The following NR4A1 variants were observed in gnomAD, a reference collection of about 807,000 sequenced individuals.
NR4A1 encodes the protein nuclear receptor subfamily 4 group A member 1.
NR4A1 carries 24 observed loss-of-function variants against 47.5 expected under a neutral mutation model. The observed-to-expected ratio is 0.50, with a 90% CI of 0.37 to 0.71. NR4A1 has a LOEUF of 0.71. Ranked by LOEUF, NR4A1 falls within the 30% of genes least tolerant of loss-of-function variation. The pLI, the probability that NR4A1 is intolerant of heterozygous loss-of-function variation, is 0.00. For synonymous variants in NR4A1, 353 were observed against 345.7 expected (o/e 1.02, Z -0.24); for missense variants, 669 against 788.6 (o/e 0.85, Z 1.82).
In NR4A1 at chr12:52,056,519, G is replaced by T; in HGVS notation, c.1032G>T (p.Gly344=). 1 of 1,613,428 alleles carries T rather than the reference G, an allele frequency of 6.2e-7. No individual in the cohort carries two copies. ...KEVVRTDSLK[G]RRGRLPSKPK... ...TTGTCCGAACAGACAGCCTGAAGGG[G>T]CGGCGGGGCCGGCTACCTTCAAAAC... The change falls in exon 4 of 7, where the codon GGG becomes GGT. Residue 344 remains glycine, a synonymous_variant. Coordinates refer to ENST00000394825, the MANE Select transcript of NR4A1 (RefSeq NM_173157.3).
upstream of NR4A1, among the ~76,000 whole-genome samples, chr12:52,048,175 C>CA (rs755974918): frequency 6.6e-6 from 1 of 151,526 alleles, no homozygotes; most frequent in East Asian, 1.9e-4. Context: ...AAACAAAAAA[C>CA]AAAAAAAGAG....
intron 1 of NR4A1, among the ~76,000 whole-genome samples, chr12:52,023,274 G>A (rs1301152661): frequency 6.6e-6 from 1 of 152,120 alleles, no homozygotes; most frequent in Non-Finnish European, 1.5e-5. Context: ...GGTGGAGTCC[G>A]CCGGGCACCG....
upstream of NR4A1, among the ~76,000 whole-genome samples, chr12:52,051,184 T>A (rs1565648798): frequency 6.6e-6 from 1 of 152,156 alleles, no homozygotes; most frequent in African/African-American, 2.4e-5. Context: ...AGCCTATTTA[T>A]AGATCAAACA....
chr12:52,058,476 G>A (rs73093189), intron 6 of NR4A1: 23,589 of 595,770 alleles, frequency 0.04, 576 homozygotes, highest in South Asian at 0.048. Flanking sequence ...CCTGGGCCTC[G>A]GGTTCTCACT....
At chr12:52,049,334 A>G (rs116004141), upstream of NR4A1, among the ~76,000 whole-genome samples, 367 of 152,368 alleles carry the variant, frequency 2.4e-3, 1 homozygote, top group African/African-American at 8.4e-3. Flanking sequence ...TCAAGGGTCA[A>G]CTGTGTATGA....
At chr12:52,049,790 G>A (rs185416626), upstream of NR4A1, among the ~76,000 whole-genome samples, 1 of 152,290 alleles carries the variant, frequency 6.6e-6, no homozygotes, top group African/African-American at 2.4e-5. Context: ...GCAGGCAGGG[G>A]GTGCAGAAAT....
At chr12:52,041,961 C>A in intron 2 of NR4A1, 3 of 1,310,390 alleles carry the variant, frequency 2.3e-6, no homozygotes, top group East Asian at 5.7e-5. Flanking sequence ...TTTGTACACC[C>A]CTCCAGCAGG....
chr12:52,052,951 G>A (rs987757240), intron 1 of NR4A1, among the ~76,000 whole-genome samples: 3 of 152,204 alleles, frequency 2.0e-5, no homozygotes, highest in African/African-American at 7.2e-5. Flanking sequence ...TCAGGCTAGG[G>A]GTGGAGGTGC....
intron 2 of NR4A1, chr12:52,043,984 GC>G: frequency 1.6e-6 from 2 of 1,252,068 alleles, no homozygotes; most frequent in Non-Finnish European, 2.1e-6. Context: ...TGACTGTCAT[GC>G]CAAACCCTTT....
chr12:52,037,970 GGGTGGTCTGTATTTCCAGACCTCCTCCAT>G lies in NR4A1; in HGVS notation c.-83-3830_-83-3802del, dbSNP rs1938301634. On this transcript the variant is annotated intron_variant, in intron 1 of 7. Transcript: ENST00000360284. ...CTTATACTGGGTGGGGTGGGGGCGGGGGTGGTCTGTATTTCCAGACCTCCTCCATGGTGGTCTGGCTGTGTGGAGGGCAG... is the reference window on the plus strand; with the variant it reads ...CTTATACTGGGTGGGGTGGGGGCGGGGGTGGTCTGGCTGTGTGGAGGGCAG... 3 of 239,730 alleles carry G rather than the reference GGGTGGTCTGTATTTCCAGACCTCCTCCAT, an allele frequency of 1.3e-5. No homozygotes were observed. The Admixed American group carries it at 2.1e-4, about 17-fold the overall frequency. The allele number at this position is 239,730 out of a possible 1,614,324, so 14.9% of individuals were successfully genotyped here. A position where few individuals can be genotyped will look rare whatever the true frequency, so the allele number is the denominator to read the frequency against.
rs1592308238 is a variant in NR4A1, at chr12:52,056,534, A to C, written c.1047A>C (p.Leu349=). The C allele has an allele frequency of 3.1e-6, 5 of 1,613,184 alleles. No homozygotes were observed. The highest frequency in any genetic ancestry group is 4.2e-6 in the Non-Finnish European group (5 of 1,179,688). The change falls in exon 4 of 7, where the codon CTA becomes CTC. Residue 349 remains leucine, a synonymous_variant. Coordinates refer to ENST00000394825, the MANE Select transcript of NR4A1 (RefSeq NM_173157.3). The part of the protein sequence containing the change: ...TDSLKGRRGR[L]PSKPKQPPDA... ...GCCTGAAGGGGCGGCGGGGCCGGCT[A>C]CCTTCAAAACCCAAGCAGCCCCCAG... is the stretch of plus-strand genomic sequence containing the variant.
In NR4A1 at chr12:52,034,147, C is replaced by A. The variant is rs1938188771; in HGVS notation, c.-83-7663C>A. ...CGCATACCTAAGGTTTGGGGGCAGC[C>A]TCTCTCCTCCATGGAGTGCCTTTTC... On this transcript the variant is annotated intron_variant, in intron 1 of 7. Transcript: ENST00000360284. Among the ~76,000 whole-genome samples, 5 of 152,210 alleles carry A rather than the reference C, an allele frequency of 3.3e-5. No individual in the cohort carries two copies. In the South Asian group the frequency reaches 1.0e-3, roughly 31 times the overall value.
In NR4A1 at chr12:52,057,333, G is replaced by A. The variant is rs574346728; in HGVS notation, c.1362-19G>A. 19 of 1,613,992 alleles carry A rather than the reference G, an allele frequency of 1.2e-5. No individual in the cohort carries two copies. Among genetic ancestry groups the A allele is most frequent in the East Asian group, 4.5e-5 (2 of 44,880 alleles). ...CTGTGAACCACCCTGATCGCTCTTC[G>A]TGCCCATCTGCCTGCCAGGTCTAAG... On this transcript the variant is annotated intron_variant, in intron 5 of 6. Transcript: ENST00000394825.
intron 1 of NR4A1, among the ~76,000 whole-genome samples, chr12:52,025,893 TAAA>T (rs1448761242): frequency 1.3e-5 from 2 of 152,144 alleles, no homozygotes; most frequent in Non-Finnish European, 2.9e-5. Context: ...GGGAGGTATT[TAAA>T]AAGCCCACAG....
intron 2 of NR4A1, chr12:52,045,471 C>T: frequency 2.2e-6 from 1 of 447,106 alleles, no homozygotes. Context: ...CCCTCACTTG[C>T]CATTACAGGT....
chr12:52,037,502 C>T (rs901494960), intron 1 of NR4A1: 42 of 981,292 alleles, frequency 4.3e-5, no homozygotes, highest in Non-Finnish European at 5.1e-5. Flanking sequence ...AATCTCGGGT[C>T]TTCGGTGGAT....
At chr12:52,044,176 C>T (rs1258743620) in intron 2 of NR4A1, among the ~76,000 whole-genome samples, 8 of 152,222 alleles carry the variant, frequency 5.3e-5, no homozygotes, top group Admixed American at 3.9e-4. Context: ...ACAGGGTGTC[C>T]GTCCTCCTCT....
At chr12:52,033,063 G>A (rs1210062330) in intron 1 of NR4A1, among the ~76,000 whole-genome samples, 2 of 152,224 alleles carry the variant, frequency 1.3e-5, no homozygotes. Context: ...GGTGTGCAGG[G>A]GTGTTGACCG....
intron 2 of NR4A1, chr12:52,055,419 G>A (rs1032107587): frequency 1.6e-6 from 1 of 639,900 alleles, no homozygotes. Flanking sequence ...CCATGGGATT[G>A]CACAGAGCTG....
Sources: allele counts gnomAD v4.1 joint callset (sites outside exome capture counted in the v4.1 genomes callset), GRCh38; gene constraint gnomAD v4.1.1; transcripts MANE v1.5; gene names NCBI Gene and HGNC (gene_info 2026-07-23, HGNC 2026-07-21).